Variants in RPH3A observed in about 807,000 individuals in gnomAD.
RPH3A encodes the protein rabphilin 3A.
In RPH3A, 48 loss-of-function variants were observed where a neutral mutation model predicts 102.2. That is an observed-to-expected ratio of 0.47 (90% confidence interval 0.37 to 0.60). The LOEUF is 0.60. Among genes scored for constraint, RPH3A ranks in the 20% least tolerant of loss-of-function variants. RPH3A has a pLI of 0.00. For synonymous variants in RPH3A, 310 were observed against 324.3 expected (o/e 0.96, Z 0.47); for missense variants, 781 against 910.1 (o/e 0.86, Z 1.83).
chr12:112,826,498 T>C (rs928071372), intron 2 of RPH3A, among the ~76,000 whole-genome samples: 2 of 152,164 alleles, frequency 1.3e-5, no homozygotes, highest in Non-Finnish European at 1.5e-5. Context: ...TTGATGGCCT[T>C]TGCAGATGTA....
chr12:112,867,535 G>T (rs2042631978), intron 7 of RPH3A, among the ~76,000 whole-genome samples: 1 of 152,146 alleles, frequency 6.6e-6, no homozygotes, highest in Non-Finnish European at 1.5e-5. Context: ...ATTGACAAAG[G>T]TCCGGGCAGA....
At chr12:112,848,505 T>C (rs570492345) in intron 5 of RPH3A, among the ~76,000 whole-genome samples, 2 of 152,258 alleles carry the variant, frequency 1.3e-5, no homozygotes, top group African/African-American at 4.8e-5. Context: ...GCTTGACCTC[T>C]CTGAGCCCCA....
At chr12:112,883,426 G>A (rs2136250462) in intron 16 of RPH3A, 24 bp downstream of exon 16, 1 of 1,578,000 alleles carries the variant, frequency 6.3e-7, no homozygotes, top group African/African-American at 1.3e-5. Flanking sequence ...AGAGGGCAGA[G>A]AGGGAGGCAA....
chr12:112,871,365 G>T (rs1205024477), intron 10 of RPH3A, among the ~76,000 whole-genome samples: 2 of 152,066 alleles, frequency 1.3e-5, no homozygotes, highest in Non-Finnish European at 2.9e-5. Flanking sequence ...TCTCTGCCCA[G>T]CCCCTGGTAA....
intron 16 of RPH3A, among the ~76,000 whole-genome samples, chr12:112,883,754 A>G (rs546365580): frequency 3.3e-5 from 5 of 152,334 alleles, no homozygotes; most frequent in Non-Finnish European, 2.9e-5. Context: ...GTACATCTGT[A>G]TCACTTAAGA....
At chr12:112,649,744 A>G (rs570070895) in intron 1 of RPH3A, among the ~76,000 whole-genome samples, 77 of 152,306 alleles carry the variant, frequency 5.1e-4, no homozygotes, top group African/African-American at 1.8e-3. Flanking sequence ...GGCTTAAACA[A>G]TGGCAATTTA....
intron 17 of RPH3A, among the ~76,000 whole-genome samples, chr12:112,888,348 T>C (rs2043038323): frequency 6.6e-6 from 1 of 152,248 alleles, no homozygotes; most frequent in Non-Finnish European, 1.5e-5. Context: ...ATAATCAAAA[T>C]AGAACTTAAT....
intron 1 of RPH3A, among the ~76,000 whole-genome samples, chr12:112,633,498 G>A (rs992077220): frequency 3.3e-5 from 5 of 152,078 alleles, no homozygotes; most frequent in Admixed American, 6.6e-5. Flanking sequence ...TATAAGAAGA[G>A]GAAGAGAGAA....
At chr12:112,877,417 T>TACACAC (rs1491528958) in intron 13 of RPH3A, among the ~76,000 whole-genome samples, 13 of 99,334 alleles carry the variant, frequency 1.3e-4, no homozygotes, top group African/African-American at 5.9e-4. Context: ...CACACACACG[T>TACACAC]ATACACACAC....
At chr12:112,778,333 T>C (rs903765516) in intron 1 of RPH3A, among the ~76,000 whole-genome samples, 28 of 152,232 alleles carry the variant, frequency 1.8e-4, no homozygotes, top group African/African-American at 6.8e-4. Context: ...TAGTTGTTTC[T>C]TTTTTCTCTT....
chr12:112,666,053 C>T (rs1474108823), intron 1 of RPH3A, among the ~76,000 whole-genome samples: 1 of 152,134 alleles, frequency 6.6e-6, no homozygotes, highest in Non-Finnish European at 1.5e-5. Flanking sequence ...GACTAGCAGG[C>T]CAGCTCCCTT....
At chr12:112,678,386 GAAAC>G (rs975659251) in intron 1 of RPH3A, among the ~76,000 whole-genome samples, 1 of 151,110 alleles carries the variant, frequency 6.6e-6, no homozygotes, top group African/African-American at 2.4e-5. Context: ...AAAGAAAGAA[GAAAC>G]AAACAAACAC....
chr12:112,841,805 G>A (rs1412110500), intron 4 of RPH3A, among the ~76,000 whole-genome samples: 1 of 151,352 alleles, frequency 6.6e-6, no homozygotes, highest in Non-Finnish European at 1.5e-5. Flanking sequence ...GCTGCAGGAA[G>A]GATTTGTCCA....
intron 1 of RPH3A, among the ~76,000 whole-genome samples, chr12:112,725,966 G>T (rs11066391): frequency 0.77 from 116,254 of 151,374 alleles, 45,348 homozygotes; most frequent in African/African-American, 0.9. Flanking sequence ...CGGCTAATTT[G>T]TTGTGTATTT....
chr12:112,724,051 G>GAT (rs1491071539), intron 1 of RPH3A, among the ~76,000 whole-genome samples: 44 of 135,224 alleles, frequency 3.3e-4, no homozygotes, highest in African/African-American at 1.2e-3. Flanking sequence ...AAATTTTTTT[G>GAT]ATTTTTTTTT....
intron 20 of RPH3A, 27 bp from the exon 21 acceptor site, chr12:112,895,750 C>T (rs573239519): frequency 1.3e-6 from 2 of 1,550,284 alleles, no homozygotes; most frequent in East Asian, 4.5e-5. Context: ...GGGCTCTTAC[C>T]CACATGTCTT....
intron 1 of RPH3A, among the ~76,000 whole-genome samples, chr12:112,726,524 T>C (rs2040591957): frequency 6.6e-6 from 1 of 152,286 alleles, no homozygotes; most frequent in African/African-American, 2.4e-5. Flanking sequence ...ACCTTTATTA[T>C]GAAAATTTGT....
chr12:112,881,453 T>C (rs1359626385), intron 14 of RPH3A, among the ~76,000 whole-genome samples: 1 of 152,174 alleles, frequency 6.6e-6, no homozygotes. Context: ...TAGGTGGAAT[T>C]GCATTTAAAT....
At chr12:112,641,553 C>A (rs769198910) in intron 1 of RPH3A, among the ~76,000 whole-genome samples, 1 of 152,134 alleles carries the variant, frequency 6.6e-6, no homozygotes, top group Non-Finnish European at 1.5e-5. Context: ...CACGCCACCA[C>A]ACCTGGCTAA....
Sources: allele counts gnomAD v4.1 joint callset (sites outside exome capture counted in the v4.1 genomes callset), GRCh38; gene constraint gnomAD v4.1.1; transcripts MANE v1.5; gene names NCBI Gene and HGNC (gene_info 2026-07-23, HGNC 2026-07-21).